Variants in TENM2 observed in about 807,000 individuals in gnomAD.
TENM2 encodes the protein teneurin-2.
TENM2 carries 52 observed loss-of-function variants against 245.2 expected under a neutral mutation model. The ratio of observed to expected loss-of-function variants is 0.21; its 90% CI spans 0.17 to 0.27. The LOEUF is 0.27. TENM2 is among the 10% of genes least tolerant of loss of function. The pLI, the probability that TENM2 is intolerant of heterozygous loss-of-function variation, is 1.00. For missense variants in TENM2, 3,046 were observed against 3,666.8 expected (o/e 0.83, Z 4.37); for synonymous variants, 1,363 against 1,438.9 (o/e 0.95, Z 1.19).
chr5:167,357,553 C>CCCGG (rs1759427087), intron 1 of TENM2, among the ~76,000 whole-genome samples: 1 of 152,090 alleles, frequency 6.6e-6, no homozygotes, highest in South Asian at 2.1e-4. Flanking sequence ...AGCCACTTTG[C>CCCGG]CCGGCCGAGC....
At chr5:167,889,133 G>A (rs1436273972) in intron 3 of TENM2, among the ~76,000 whole-genome samples, 1 of 152,098 alleles carries the variant, frequency 6.6e-6, no homozygotes, top group Non-Finnish European at 1.5e-5. Flanking sequence ...AAACTAAACT[G>A]ATGATAGAGC....
chr5:167,154,370 A>G, the TENM2 span, among the ~76,000 whole-genome samples: 1 of 152,206 alleles, frequency 6.6e-6, no homozygotes, highest in African/African-American at 2.4e-5. Context: ...AGAATTGACA[A>G]CACTTCTACA....
At chr5:167,014,554 G>T in the TENM2 span, among the ~76,000 whole-genome samples, 2 of 152,160 alleles carry the variant, frequency 1.3e-5, no homozygotes, top group African/African-American at 4.8e-5. Context: ...CATGAGGAGA[G>T]ATAAGAAACA....
At chr5:167,537,931 T>C (rs1290296955) in intron 2 of TENM2, among the ~76,000 whole-genome samples, 1 of 152,212 alleles carries the variant, frequency 6.6e-6, no homozygotes, top group Non-Finnish European at 1.5e-5. Context: ...GCCATGATAT[T>C]CAACTTAGCT....
At chr5:167,858,680 C>T (rs1351150252) in intron 2 of TENM2, among the ~76,000 whole-genome samples, 3 of 151,274 alleles carry the variant, frequency 2.0e-5, no homozygotes, top group South Asian at 4.1e-4. Flanking sequence ...CGCTGACGCC[C>T]GCGGGCACCA....
At chr5:168,214,354 G>A (rs1763012219) in intron 20 of TENM2, among the ~76,000 whole-genome samples, 1 of 152,208 alleles carries the variant, frequency 6.6e-6, no homozygotes, top group Admixed American at 6.5e-5. Context: ...GCAGACCGTG[G>A]CTCACGCCTG....
the TENM2 span, among the ~76,000 whole-genome samples, chr5:167,048,530 T>G: frequency 3.9e-5 from 6 of 152,150 alleles, no homozygotes; most frequent in African/African-American, 1.4e-4. Flanking sequence ...ATGTCAATAT[T>G]AAGCAAACAC....
At chr5:167,521,474 G>T (rs909053889) in intron 2 of TENM2, among the ~76,000 whole-genome samples, 2 of 152,146 alleles carry the variant, frequency 1.3e-5, no homozygotes, top group African/African-American at 2.4e-5. Context: ...ATTTACCCAG[G>T]AACACTGCAG....
At chr5:168,241,814 G>C (rs1006784707) in intron 25 of TENM2, among the ~76,000 whole-genome samples, 4 of 152,156 alleles carry the variant, frequency 2.6e-5, no homozygotes, top group Admixed American at 2.6e-4. Context: ...TCAGGGGCTT[G>C]TATCAATTTA....
exon 12 of TENM2, chr5:168,126,872 G>T: frequency 6.2e-7 from 1 of 1,609,098 alleles, no homozygotes; most frequent in East Asian, 2.2e-5. Context: ...GCTGCATTGA[G>T]CACGGGACCT....
intron 2 of TENM2, among the ~76,000 whole-genome samples, chr5:167,733,755 C>T (rs1048749754): frequency 3.3e-5 from 5 of 152,184 alleles, no homozygotes; most frequent in South Asian, 2.1e-4. Flanking sequence ...CAATGTTTCA[C>T]AAAGTCAGTA....
At position 167,878,445 on chromosome 5, in the gene TENM2, G is replaced by A. The variant is rs188480230; in HGVS notation, c.712+2250G>A. Reference sequence around the variant, plus strand: ...GAAGGCCCAATTGTGCAATACCCTTGTTTTCAGCAGGTACTTATTATCAGA... The same window carrying A: ...GAAGGCCCAATTGTGCAATACCCTTATTTTCAGCAGGTACTTATTATCAGA... On this transcript the variant is annotated intron_variant, in intron 3 of 28. Transcript: ENST00000518659. 1.2e-4 allele frequency among the ~76,000 whole-genome samples: 18 copies of A among 152,232 alleles called. No homozygotes were observed. The East Asian group carries it at 2.7e-3, about 23-fold the overall frequency.
intron 2 of TENM2, among the ~76,000 whole-genome samples, chr5:167,722,449 G>A (rs1400602743): frequency 2.0e-5 from 3 of 152,076 alleles, no homozygotes; most frequent in Non-Finnish European, 4.4e-5. Flanking sequence ...TATAGATTTA[G>A]ATACAGATAC....
At chr5:168,068,618 C>A (rs1790709162) in intron 7 of TENM2, among the ~76,000 whole-genome samples, 3 of 151,678 alleles carry the variant, frequency 2.0e-5, no homozygotes, top group African/African-American at 7.3e-5. Context: ...AGAGTGGTCA[C>A]CTCTAGGAAC....
the TENM2 span, among the ~76,000 whole-genome samples, chr5:166,992,782 G>A: frequency 6.6e-6 from 1 of 152,124 alleles, no homozygotes; most frequent in Non-Finnish European, 1.5e-5. Context: ...GATAGAAAGG[G>A]AGAGCCTGAC....
chr5:167,878,623 T>G (rs572359896), intron 3 of TENM2, among the ~76,000 whole-genome samples: 1 of 151,584 alleles, frequency 6.6e-6, no homozygotes, highest in South Asian at 2.1e-4. Flanking sequence ...TGGAATGGGT[T>G]TAAGGTCCAG....
At chr5:167,640,736 G>T (rs537250454) in intron 2 of TENM2, among the ~76,000 whole-genome samples, 1 of 148,966 alleles carries the variant, frequency 6.7e-6, no homozygotes, top group Admixed American at 6.7e-5. Context: ...TTCTTGTTAC[G>T]TACACTTTTA....
At chr5:168,088,645 C>T (rs1792664882) in intron 7 of TENM2, among the ~76,000 whole-genome samples, 1 of 152,170 alleles carries the variant, frequency 6.6e-6, no homozygotes, top group African/African-American at 2.4e-5. Flanking sequence ...ATCCTTATAA[C>T]CTCCCTGAAT....
the TENM2 span, among the ~76,000 whole-genome samples, chr5:167,140,488 C>T: frequency 1.3e-5 from 2 of 152,126 alleles, no homozygotes; most frequent in Non-Finnish European, 1.5e-5. Flanking sequence ...ACCTGCCGCT[C>T]ACAACCAGGC....
Sources: allele counts gnomAD v4.1 joint callset (sites outside exome capture counted in the v4.1 genomes callset), GRCh38; gene constraint gnomAD v4.1.1; transcripts MANE v1.5; gene names NCBI Gene and HGNC (gene_info 2026-07-23, HGNC 2026-07-21).